USP34: variants seen among roughly 807,000 people sequenced by gnomAD.
The protein encoded by USP34 is ubiquitin specific peptidase 34, also known as ubiquitin carboxyl-terminal hydrolase 34.
A neutral mutation model predicts 460.3 loss-of-function variants in USP34; 70 were observed. The observed-to-expected ratio is 0.15, with a 90% confidence interval of 0.13 to 0.19. The LOEUF is 0.19. Ranked by LOEUF, USP34 falls within the 10% of genes least tolerant of loss-of-function variation. The pLI is 1.00. For missense variants in USP34, 3,985 were observed against 4,236.2 expected, an observed-to-expected ratio of 0.94 and a Z score of 1.65; for synonymous variants, 1,647 against 1,405.3, an observed-to-expected ratio of 1.17 and a Z score of -3.85.
chr2:61,422,587 C>T (rs1694394447), intron 1 of USP34, among the ~76,000 whole-genome samples: 1 of 152,186 alleles, frequency 6.6e-6, no homozygotes, highest in Non-Finnish European at 1.5e-5. Flanking sequence ...GTCACTTTCA[C>T]AATTTCTATT....
At chr2:61,437,571 A>G (rs776336959) in intron 1 of USP34, among the ~76,000 whole-genome samples, 117 of 152,120 alleles carry the variant, frequency 7.7e-4, no homozygotes, top group Middle Eastern at 3.4e-3. Flanking sequence ...CAGGAGTTCA[A>G]GACCAGCCTG....
chr2:61,445,588 G>A (rs1421157126), intron 1 of USP34, among the ~76,000 whole-genome samples: 1 of 149,572 alleles, frequency 6.7e-6, no homozygotes, highest in Non-Finnish European at 1.5e-5. Context: ...TGAAAGCCAA[G>A]AGACACAAAA....
At chr2:61,431,439 C>G (rs1199524279) in intron 1 of USP34, among the ~76,000 whole-genome samples, 2 of 152,186 alleles carry the variant, frequency 1.3e-5, no homozygotes, top group Non-Finnish European at 2.9e-5. Flanking sequence ...GTTGCCCACA[C>G]TGGTCACTAA....
chr2:61,201,826 T>A (rs1468860339), intron 75 of USP34, among the ~76,000 whole-genome samples: 1 of 152,180 alleles, frequency 6.6e-6, no homozygotes, highest in Non-Finnish European at 1.5e-5. Flanking sequence ...TACCAAAAAT[T>A]TTTTAAAAAG....
chr2:61,286,210 A>G (rs1341423480), intron 34 of USP34, among the ~76,000 whole-genome samples: 6 of 152,204 alleles, frequency 3.9e-5, no homozygotes, highest in African/African-American at 7.2e-5. Context: ...TACTACCTAC[A>G]GTATATCAAC....
intron 10 of USP34, among the ~76,000 whole-genome samples, chr2:61,352,823 A>G (rs1691982994): frequency 6.6e-6 from 1 of 152,172 alleles, no homozygotes; most frequent in Non-Finnish European, 1.5e-5. Flanking sequence ...GAGGATGAAG[A>G]AACAAAGATG....
At position 61,311,568 on chromosome 2, in the gene USP34, A is replaced by G. The variant is rs1281884529; in HGVS notation, c.3789T>C (p.Gly1263=). The stretch of plus-strand genomic sequence containing the variant: ...GAAACTCTCCTTTTCGGTTGCTTTG[A>G]CCAAACTCCTGAAGCTGAGCTTGTT... ...INQQAQLQEF[G]QSNRKGEFPG... The change falls in exon 27 of 80, where the codon GGT becomes GGC. Residue 1263 remains glycine (G), a synonymous_variant. Transcript: ENST00000398571. The G allele has an allele frequency of 5.0e-6, 8 of 1,608,762 alleles. No individual in the cohort carries two copies. Among genetic ancestry groups the G allele is most frequent in the Non-Finnish European group, 5.9e-6 (7 of 1,178,252 alleles).
At chr2:61,235,766 G>C in intron 57 of USP34, 79 bp downstream of exon 57, 1 of 1,420,164 alleles carries the variant, frequency 7.0e-7, no homozygotes, top group Non-Finnish European at 9.6e-7. Flanking sequence ...AAACAACTCT[G>C]CTGTAGCATC....
Position 61,214,788 on chromosome 2 carries a change from A to C in USP34, c.8048-94T>G, listed in dbSNP as rs1687353754. 3.0e-6 allele frequency: 4 copies of C among 1,343,322 alleles called. No individual in the cohort carries two copies. In the East Asian group the frequency reaches 9.9e-5, roughly 33 times the overall value. 83.2% of individuals were successfully genotyped at this position (1,343,322 alleles called of 1,614,324 possible). On this transcript the variant is annotated intron_variant, in intron 67 of 79. Coordinates refer to ENST00000398571, the MANE Select transcript of USP34 (RefSeq NM_014709.4). ...TCACAAAGCCACTGTTCCCTTTAAT[A>C]ATTAAAATGAATAAAAAGGGACATG...
intron 23 of USP34, 54 bp downstream of exon 23, chr2:61,317,600 G>T: frequency 6.8e-7 from 1 of 1,466,050 alleles, no homozygotes; most frequent in Non-Finnish European, 9.5e-7. Context: ...AACCGAATTT[G>T]ATAATCTAAT....
chr2:61,202,797 T>G (rs1687013303), intron 75 of USP34, among the ~76,000 whole-genome samples: 1 of 151,704 alleles, frequency 6.6e-6, no homozygotes, highest in Non-Finnish European at 1.5e-5. Flanking sequence ...GGCTGGGGAG[T>G]CCACCTCTAC....
At chr2:61,416,473 C>A (rs1337982683) in intron 2 of USP34, among the ~76,000 whole-genome samples, 1 of 152,092 alleles carries the variant, frequency 6.6e-6, no homozygotes, top group African/African-American at 2.4e-5. Context: ...AGGTAGGAGA[C>A]AGCAAAGAGC....
At chr2:61,412,251 A>G (rs934836888) in intron 2 of USP34, among the ~76,000 whole-genome samples, 5 of 147,312 alleles carry the variant, frequency 3.4e-5, no homozygotes, top group African/African-American at 1.2e-4. Context: ...GAAAAGAAAA[A>G]AGAAATTTAG....
At chr2:61,217,802 A>C (rs1558471626) in intron 67 of USP34, among the ~76,000 whole-genome samples, 4 of 152,020 alleles carry the variant, frequency 2.6e-5, no homozygotes, top group Non-Finnish European at 5.9e-5. Context: ...AAAATACAAA[A>C]AAATTAGCCA....
intron 6 of USP34, among the ~76,000 whole-genome samples, chr2:61,382,500 C>T (rs192549037): frequency 2.2e-4 from 33 of 152,284 alleles, no homozygotes; most frequent in Admixed American, 1.3e-3. Context: ...CCCCATACTC[C>T]CTCTGTATCA....
chr2:61,233,918 A>G (rs1687990339), intron 57 of USP34, among the ~76,000 whole-genome samples: 1 of 152,042 alleles, frequency 6.6e-6, no homozygotes, highest in African/African-American at 2.4e-5. Flanking sequence ...TTGTGGTTGC[A>G]TATGTTTTTG....
intron 5 of USP34, among the ~76,000 whole-genome samples, chr2:61,388,391 C>G (rs1693233446): frequency 6.7e-6 from 1 of 150,254 alleles, no homozygotes; most frequent in Non-Finnish European, 1.5e-5. Context: ...CTAAGGAAAC[C>G]ATAGGTTTAA....
Position 61,348,131 on chromosome 2 carries a change from A to G in USP34, c.2024T>C (p.Leu675Pro), listed in dbSNP as rs77260934. The change falls in exon 15 of 80, where the codon CTG becomes CCG. Residue 675 changes from leucine (L) to proline (P), a missense_variant. Coordinates refer to ENST00000398571, the MANE Select transcript of USP34 (RefSeq NM_014709.4). ...NGTSSGTGKD[L>P]VFNTESLPSV... ...TGGCAATGATTCAGTGTTAAAAACCAGGTCCTTTCCTGTTCCGCTGCTTGT... is the reference window on the plus strand; with the variant it reads ...TGGCAATGATTCAGTGTTAAAAACCGGGTCCTTTCCTGTTCCGCTGCTTGT... The G allele has an allele frequency of 2.0e-4, 318 of 1,614,222 alleles. 1 individual carries two copies. In the East Asian group the frequency reaches 7.1e-3, roughly 36 times the overall value.
In USP34 at chr2:61,311,571, A is replaced by C; in HGVS notation, c.3786T>G (p.Phe1262Leu). Residue 1262 changes from phenylalanine to leucine, a missense_variant, in exon 27 of 80, where the codon TTT becomes TTG. Transcript: ENST00000398571. Reference sequence around the variant, plus strand: ...ACTCTCCTTTTCGGTTGCTTTGACCAAACTCCTGAAGCTGAGCTTGTTGAT... The same window carrying C: ...ACTCTCCTTTTCGGTTGCTTTGACCCAACTCCTGAAGCTGAGCTTGTTGAT... ...QINQQAQLQE[F>L]GQSNRKGEFP... 6.2e-7 allele frequency: 1 copy of C among 1,609,126 alleles called. No individual in the cohort carries two copies.
Sources: allele counts gnomAD v4.1 joint callset (sites outside exome capture counted in the v4.1 genomes callset), GRCh38; gene constraint gnomAD v4.1.1; transcripts MANE v1.5; gene names NCBI Gene and HGNC (gene_info 2026-07-23, HGNC 2026-07-21).